Variants in PTRH1 observed in about 807,000 individuals in gnomAD.
PTRH1 encodes the protein peptidyl-tRNA hydrolase 1 homolog.
A neutral mutation model predicts 15.7 loss-of-function variants in PTRH1; 13 were observed. The observed-to-expected ratio is 0.83, with a 90% CI of 0.54 to 1.31. The LOEUF is 1.31. PTRH1 is among the 40% of genes most tolerant of loss of function. The pLI is 0.00. For missense variants in PTRH1, 319 were observed against 296.2 expected, an observed-to-expected ratio of 1.08 and a Z score of -0.56; for synonymous variants, 139 against 136.7, an observed-to-expected ratio of 1.02 and a Z score of -0.12.
At position 127,715,587 on chromosome 9, in the gene PTRH1, C is replaced by G; in HGVS notation, c.53G>C (p.Ser18Thr). The stretch of plus-strand genomic sequence containing the variant: ...GGGGCGAGGCTCCAAAACACATCGG[C>G]TCATGGCTCTACTCAGCCGCTGTCC... ...GAGQRLSRAM[S>T]RCVLEPRPPG... is the part of the protein sequence containing the mutation. The change falls in exon 1 of 5, where the codon AGC becomes ACC. Residue 18 changes from serine (S) to threonine (T), a missense_variant. Coordinates refer to ENST00000543175, the MANE Select transcript of PTRH1 (RefSeq NM_001002913.3). The surrounding 1 kb of genome is among the most constrained non-coding windows in gnomAD (Gnocchi z 5.8). 1.2e-6 allele frequency: 2 copies of G among 1,613,452 alleles called. No individual in the cohort carries two copies. Among genetic ancestry groups the G allele is most frequent in the Non-Finnish European group, 1.7e-6 (2 of 1,180,032 alleles).
In PTRH1 at chr9:127,713,956, A is replaced by T. The variant is rs1842831837; in HGVS notation, c.*144T>A. 1 of 1,588,522 alleles carries T rather than the reference A, an allele frequency of 6.3e-7. No homozygotes were observed. Among genetic ancestry groups the T allele is most frequent in the Non-Finnish European group, 8.6e-7 (1 of 1,157,226 alleles). On this transcript the variant is annotated 3_prime_UTR_variant, in exon 5 of 5. Transcript: ENST00000543175. ...GAAATGGACTGGTCCAGTCACAGTC[A>T]CCCCCACTTTAATCCGCAGGCAGCC...
intron 1 of PTRH1, among the ~76,000 whole-genome samples, chr9:127,700,073 G>T (rs1041624887): frequency 6.6e-6 from 1 of 152,080 alleles, no homozygotes; most frequent in African/African-American, 2.4e-5. Context: ...AGCAGAGCAA[G>T]ACTGTCTCAA....
Position 127,713,953 on chromosome 9 carries a change from G to A in PTRH1, c.*147C>T. 1 of 1,590,852 alleles carries A rather than the reference G, an allele frequency of 6.3e-7. No homozygotes were observed. The highest frequency in any genetic ancestry group is 1.1e-5 in the South Asian group (1 of 90,578). ...CCAGAAATGGACTGGTCCAGTCACA[G>A]TCACCCCCACTTTAATCCGCAGGCA... On this transcript the variant is annotated 3_prime_UTR_variant, in exon 5 of 5. Coordinates refer to ENST00000543175, the MANE Select transcript of PTRH1 (RefSeq NM_001002913.3).
At chr9:127,710,472 A>C, downstream of PTRH1, 1 of 1,134,150 alleles carries the variant, frequency 8.8e-7, no homozygotes, top group Non-Finnish European at 1.2e-6. Flanking sequence ...GGGATGGTAG[A>C]CCTGCCCCAC....
chr9:127,701,363 C>A (rs2131577788), intron 1 of PTRH1, among the ~76,000 whole-genome samples: 1 of 152,296 alleles, frequency 6.6e-6, no homozygotes, highest in South Asian at 2.1e-4. Context: ...TCTTTCCCAA[C>A]ACACATGGGG....
intron 1 of PTRH1, among the ~76,000 whole-genome samples, chr9:127,700,754 G>A (rs1419043285): frequency 6.6e-6 from 1 of 152,190 alleles, no homozygotes; most frequent in East Asian, 1.9e-4. Flanking sequence ...TAGATGGCCT[G>A]GAGATAAGCA....
downstream of PTRH1, chr9:127,712,306 C>G: frequency 6.2e-7 from 1 of 1,614,018 alleles, no homozygotes; most frequent in Non-Finnish European, 8.5e-7. Flanking sequence ...AGCCTGGAGG[C>G]GGCTCTGGTC....
At chr9:127,697,475 C>A (rs1459929216) in intron 1 of PTRH1, among the ~76,000 whole-genome samples, 1 of 152,120 alleles carries the variant, frequency 6.6e-6, no homozygotes, top group Admixed American at 6.5e-5. Flanking sequence ...GCCTGGCCAA[C>A]ATGGTAAAAC....
At chr9:127,712,109 C>T, downstream of PTRH1, 1 of 1,549,726 alleles carries the variant, frequency 6.5e-7, no homozygotes, top group Non-Finnish European at 8.7e-7. Context: ...CCCCTGTGGG[C>T]TTGGAGAGAA....
downstream of PTRH1, chr9:127,711,821 T>C (rs200892376): frequency 3.8e-6 from 6 of 1,563,472 alleles, no homozygotes; most frequent in Middle Eastern, 1.7e-4. Context: ...CACCCGCAGA[T>C]CATCCTCATG....
chr9:127,702,290 G>A (rs978145744), intron 1 of PTRH1, among the ~76,000 whole-genome samples: 5 of 150,012 alleles, frequency 3.3e-5, no homozygotes, highest in African/African-American at 4.9e-5. Flanking sequence ...GGAGAATGGC[G>A]TGAACCCAGG....
At chr9:127,713,053 T>C (rs775021171), downstream of PTRH1, 2 of 1,613,866 alleles carry the variant, frequency 1.2e-6, no homozygotes, top group Non-Finnish European at 1.7e-6. Context: ...GGACTGGGTC[T>C]CTGCTGCCGC....
intron 1 of PTRH1, among the ~76,000 whole-genome samples, chr9:127,699,647 T>C (rs1426719136): frequency 6.6e-6 from 1 of 152,040 alleles, no homozygotes; most frequent in Non-Finnish European, 1.5e-5. Flanking sequence ...GCGTTCCATA[T>C]TTTTTCCATG....
At chr9:127,709,896 C>T (rs1231380311), downstream of PTRH1, among the ~76,000 whole-genome samples, 1 of 152,228 alleles carries the variant, frequency 6.6e-6, no homozygotes, top group Non-Finnish European at 1.5e-5. The surrounding 1 kb of genome is among the most constrained non-coding windows in gnomAD (Gnocchi z 4.7). Context: ...GATGAAGTGT[C>T]GTGACCAAGG....
intron 1 of PTRH1, chr9:127,707,183 G>C (rs756153647): frequency 1.2e-6 from 2 of 1,611,554 alleles, no homozygotes; most frequent in Non-Finnish European, 1.7e-6. Flanking sequence ...CTGGAGGACC[G>C]GCTAGCCCGG....
At position 127,715,111 on chromosome 9, in the gene PTRH1, C is replaced by T. The variant is rs1476643479; in HGVS notation, c.180G>A (p.Leu60=). ...CGCGCGTCCAACTCTCCGCCACACC[C>T]AGCCGCCGCGCCAGCTGCCCCAGCA... ...MAVLGQLARR[L]GVAESWTRDR... Residue 60 remains leucine, a synonymous_variant, in exon 2 of 5, where the codon CTG becomes CTA. Transcript: ENST00000543175. The surrounding 1 kb of genome is among the most constrained non-coding windows in gnomAD (Gnocchi z 5.8). 3 of 1,534,266 alleles carry T rather than the reference C, an allele frequency of 2.0e-6. No individual in the cohort carries two copies. The highest frequency in any genetic ancestry group is 2.7e-5 in the African/African-American group (2 of 73,064).
intron 1 of PTRH1, among the ~76,000 whole-genome samples, chr9:127,702,250 G>A (rs533142093): frequency 6.6e-6 from 1 of 150,766 alleles, no homozygotes; most frequent in East Asian, 2.0e-4. Context: ...ATGGGCGCCT[G>A]TAGTCCCAGC....
At chr9:127,707,174 T>C (rs2131582263) in intron 1 of PTRH1, 2 of 1,612,826 alleles carry the variant, frequency 1.2e-6, no homozygotes, top group Non-Finnish European at 1.7e-6. Flanking sequence ...ATCCGAGACC[T>C]GGAGGACCGG....
In PTRH1 at chr9:127,715,620, A is replaced by G. The variant is rs538247883; in HGVS notation, c.20T>C (p.Leu7Ser). MRPGGF[L>S]GAGQRLSRAM... ...TCTACTCAGCCGCTGTCCGGCGCCC[A>G]AAAAGCCGCCCGGCCTCATGCTGCC... The change falls in exon 1 of 5, where the codon TTG becomes TCG. Residue 7 changes from leucine to serine, a missense_variant. Transcript: ENST00000543175. The surrounding 1 kb of genome is among the most constrained non-coding windows in gnomAD (Gnocchi z 5.8). 312 of 1,612,364 alleles carry G rather than the reference A, an allele frequency of 1.9e-4. No individual in the cohort carries two copies. The East Asian group carries it at 6.5e-3, about 34-fold the overall frequency.
Sources: allele counts gnomAD v4.1 joint callset (sites outside exome capture counted in the v4.1 genomes callset), GRCh38; gene constraint gnomAD v4.1.1; non-coding constraint Gnocchi (gnomAD v3.1); transcripts MANE v1.5; gene names NCBI Gene and HGNC (gene_info 2026-07-23, HGNC 2026-07-21).